CYRIB: variants seen among roughly 807,000 people sequenced by gnomAD.
CYRIB encodes CYFIP related Rac1 interactor B, also known as CYFIP-related Rac1 interactor B.
A neutral mutation model predicts 44.2 loss-of-function variants in CYRIB; 8 were observed. The observed-to-expected ratio is 0.18, with a 90% CI of 0.11 to 0.33. CYRIB has a LOEUF of 0.33. Among genes scored for constraint, CYRIB ranks in the 10% least tolerant of loss-of-function variants. CYRIB has a pLI of 1.00. For missense variants in CYRIB, 185 were observed against 382.8 expected (o/e 0.48, Z 4.31); for synonymous variants, 131 against 127.2 (o/e 1.03, Z -0.20).
intron 1 of CYRIB, among the ~76,000 whole-genome samples, chr8:129,931,230 C>G (rs977770397): frequency 7.9e-5 from 12 of 151,848 alleles, no homozygotes; most frequent in African/African-American, 2.9e-4. Context: ...TTACCTAAAT[C>G]TACACATATA....
chr8:129,958,123 C>T (rs1291199678), intron 2 of CYRIB, among the ~76,000 whole-genome samples: 1 of 152,140 alleles, frequency 6.6e-6, no homozygotes, highest in East Asian at 1.9e-4. Context: ...TGCCACTGCC[C>T]TCCAGCTTGG....
intron 4 of CYRIB, among the ~76,000 whole-genome samples, chr8:129,869,244 G>A (rs1426571292): frequency 4.0e-5 from 6 of 151,188 alleles, no homozygotes; most frequent in African/African-American, 1.2e-4. Flanking sequence ...AAATTAGCTG[G>A]GCATGGTGGT....
chr8:129,898,549 A>T (rs190444934), intron 2 of CYRIB, among the ~76,000 whole-genome samples: 1 of 152,344 alleles, frequency 6.6e-6, no homozygotes, highest in East Asian at 1.9e-4. Flanking sequence ...AGCCTTGTAC[A>T]CTAACGGAAT....
chr8:129,882,064 T>C (rs1044495540), intron 2 of CYRIB, among the ~76,000 whole-genome samples: 1 of 152,216 alleles, frequency 6.6e-6, no homozygotes, highest in Admixed American at 6.5e-5. Flanking sequence ...TATATAAATT[T>C]TCTCACTAAC....
chr8:129,843,369 G>T (rs2037677658), intron 11 of CYRIB, among the ~76,000 whole-genome samples: 2 of 152,214 alleles, frequency 1.3e-5, no homozygotes, highest in Admixed American at 1.3e-4. Flanking sequence ...AAGCTGTGGA[G>T]AACAGAAGGA....
At chr8:129,998,033 A>G (rs2096818120) in intron 1 of CYRIB, among the ~76,000 whole-genome samples, 2 of 151,118 alleles carry the variant, frequency 1.3e-5, no homozygotes, top group African/African-American at 2.4e-5. Flanking sequence ...AGGCAAGAGA[A>G]TCGTCTGAAC....
intron 9 of CYRIB, 101 bp from the exon 12 acceptor site, chr8:129,849,470 A>C (rs1327301577): frequency 7.8e-6 from 9 of 1,158,354 alleles, no homozygotes; most frequent in Non-Finnish European, 1.1e-5. Context: ...TTTTATTCAA[A>C]TTTCTATCCA....
At chr8:130,011,761 A>G (rs1006135155) in intron 1 of CYRIB, among the ~76,000 whole-genome samples, 4 of 152,074 alleles carry the variant, frequency 2.6e-5, no homozygotes, top group Non-Finnish European at 4.4e-5. Context: ...TGAATCCGGG[A>G]GGCGGAGCTT....
At chr8:130,012,100 A>G (rs2097236241) in intron 1 of CYRIB, among the ~76,000 whole-genome samples, 1 of 152,110 alleles carries the variant, frequency 6.6e-6, no homozygotes, top group Non-Finnish European at 1.5e-5. Flanking sequence ...ACTCTCAGCA[A>G]CACTTCTTTA....
intron 1 of CYRIB, among the ~76,000 whole-genome samples, chr8:129,997,086 G>T (rs1224690491): frequency 8.8e-6 from 1 of 113,946 alleles, no homozygotes; most frequent in African/African-American, 4.0e-5. Flanking sequence ...GGGAGGGAGG[G>T]AAGGAGGGAG....
intron 1 of CYRIB, among the ~76,000 whole-genome samples, chr8:129,971,953 A>G (rs553695142): frequency 1.3e-5 from 2 of 152,322 alleles, no homozygotes; most frequent in East Asian, 3.9e-4. Context: ...CAGTGTCTAG[A>G]CACTCTTATT....
At chr8:129,881,988 T>G (rs2060961841) in intron 2 of CYRIB, among the ~76,000 whole-genome samples, 1 of 152,192 alleles carries the variant, frequency 6.6e-6, no homozygotes, top group Non-Finnish European at 1.5e-5. Context: ...CATTTGGAAA[T>G]AGCATATTTC....
At chr8:129,914,045 G>T (rs1382730276) in intron 1 of CYRIB, among the ~76,000 whole-genome samples, 1 of 152,080 alleles carries the variant, frequency 6.6e-6, no homozygotes, top group African/African-American at 2.4e-5. Context: ...TTTAAAGTGA[G>T]TCACTAGTCA....
chr8:129,957,540 AT>A (rs1168346789), intron 2 of CYRIB, among the ~76,000 whole-genome samples: 1 of 152,182 alleles, frequency 6.6e-6, no homozygotes, highest in South Asian at 2.1e-4. Context: ...TGAATTTCAA[AT>A]TTTTTTATTG....
intron 4 of CYRIB, among the ~76,000 whole-genome samples, chr8:129,863,916 A>C (rs897959002): frequency 1.3e-5 from 2 of 152,226 alleles, no homozygotes; most frequent in Non-Finnish European, 2.9e-5. Flanking sequence ...TTCAGAACTA[A>C]AGCAGGGACC....
intron 2 of CYRIB, among the ~76,000 whole-genome samples, chr8:129,897,118 T>C (rs1589034490): frequency 6.6e-6 from 1 of 152,110 alleles, no homozygotes; most frequent in East Asian, 1.9e-4. Flanking sequence ...TACCAATAAA[T>C]AAGAGAATCT....
At chr8:129,981,000 ACACT>A (rs1033538759) in intron 1 of CYRIB, among the ~76,000 whole-genome samples, 1 of 151,852 alleles carries the variant, frequency 6.6e-6, no homozygotes, top group African/African-American at 2.4e-5. Flanking sequence ...AAAAACACAC[ACACT>A]CACAAGACAA....
chr8:129,978,818 C>T (rs2096074092), intron 1 of CYRIB, among the ~76,000 whole-genome samples: 1 of 152,152 alleles, frequency 6.6e-6, no homozygotes, highest in Non-Finnish European at 1.5e-5. Flanking sequence ...TGCATGCACA[C>T]GAACACACAC....
intron 1 of CYRIB, among the ~76,000 whole-genome samples, chr8:129,907,220 T>G (rs1463191564): frequency 3.3e-5 from 5 of 152,074 alleles, no homozygotes; most frequent in Admixed American, 1.3e-4. Context: ...ACGATAGACT[T>G]GATTAAGAAA....
Sources: gnomAD v4.1 joint callset for allele counts (sites outside exome capture counted in the v4.1 genomes callset) on GRCh38, gnomAD v4.1.1 for gene constraint, MANE v1.5 for transcripts, NCBI Gene and HGNC (gene_info 2026-07-23, HGNC 2026-07-21) for gene names.